AK5: variants seen among roughly 807,000 people sequenced by gnomAD.
AK5 encodes adenylate kinase 5, also known as adenylate kinase isoenzyme 5.
Under a neutral mutation model 69.5 loss-of-function variants are expected in AK5, and 27 were observed. That is an observed-to-expected ratio of 0.39 (90% CI 0.29 to 0.54). The LOEUF is 0.54. Among genes scored for constraint, AK5 ranks in the 20% least tolerant of loss-of-function variants. AK5 has a pLI of 0.71. For synonymous variants in AK5, 260 were observed against 244.4 expected (o/e 1.06, Z -0.60); for missense variants, 531 against 700.4 (o/e 0.76, Z 2.73).
intron 6 of AK5, among the ~76,000 whole-genome samples, chr1:77,358,817 G>GAA (rs5775391): frequency 0.05 from 7,408 of 147,456 alleles, 262 homozygotes; most frequent in South Asian, 0.15. Flanking sequence ...CCTATCCCCT[G>GAA]AAAAAAAAAA....
rs1660330965 is a variant in AK5 at position 77,559,575 on chromosome 1, A to G, written c.*905A>G. 1 of 152,220 alleles carries G rather than the reference A, an allele frequency of 6.6e-6. No homozygotes were observed. The highest frequency in any genetic ancestry group is 1.5e-5 in the Non-Finnish European group (1 of 68,040). 9.4% of individuals were successfully genotyped at this position (152,220 alleles called of 1,614,324 possible). A position where few individuals can be genotyped will look rare whatever the true frequency, so the allele number is the denominator to read the frequency against. Reference sequence around the variant, plus strand: ...TATTTGTTGCCAAGCAAGTAAAAAAATACCCTAACAAACCTGATGTGGGTG... The same window carrying G: ...TATTTGTTGCCAAGCAAGTAAAAAAGTACCCTAACAAACCTGATGTGGGTG... On this transcript the variant is annotated 3_prime_UTR_variant, in exon 14 of 14. Coordinates refer to ENST00000354567, the MANE Select transcript of AK5 (RefSeq NM_174858.3).
intron 5 of AK5, among the ~76,000 whole-genome samples, chr1:77,326,943 T>C (rs1660835409): frequency 6.6e-6 from 1 of 152,216 alleles, no homozygotes; most frequent in African/African-American, 2.4e-5. Context: ...TTTGCTTCCA[T>C]GAATTCATGA....
chr1:77,435,665 C>A (rs1395696069), intron 8 of AK5, among the ~76,000 whole-genome samples: 2 of 150,160 alleles, frequency 1.3e-5, no homozygotes, highest in Admixed American at 1.3e-4. Flanking sequence ...AAAAAAGAAG[C>A]TGCAGTTTAG....
At chr1:77,419,579 A>G (rs1006892010) in intron 8 of AK5, among the ~76,000 whole-genome samples, 3 of 152,236 alleles carry the variant, frequency 2.0e-5, no homozygotes, top group Non-Finnish European at 4.4e-5. Flanking sequence ...CAGAAATTCA[A>G]TTAACGGTTG....
intron 13 of AK5, among the ~76,000 whole-genome samples, chr1:77,552,626 A>T (rs1659877802): frequency 6.6e-6 from 1 of 152,226 alleles, no homozygotes; most frequent in African/African-American, 2.4e-5. Context: ...ATGTGTTTTT[A>T]TCAGAGTCTA....
chr1:77,470,742 A>G (rs1434019536), intron 8 of AK5, among the ~76,000 whole-genome samples: 1 of 150,164 alleles, frequency 6.7e-6, no homozygotes, highest in Non-Finnish European at 1.5e-5. Flanking sequence ...ATAGGCAAAA[A>G]ACACCTTATG....
chr1:77,378,505 A>G (rs1647391084), intron 6 of AK5, among the ~76,000 whole-genome samples: 1 of 152,156 alleles, frequency 6.6e-6, no homozygotes, highest in Non-Finnish European at 1.5e-5. Flanking sequence ...TTTTTAGAAG[A>G]GATAGGGTTT....
chr1:77,457,993 T>G (rs1430887438), intron 8 of AK5, among the ~76,000 whole-genome samples: 3 of 151,156 alleles, frequency 2.0e-5, no homozygotes, highest in African/African-American at 7.3e-5. Context: ...TCCCAGCTAC[T>G]CAAGAGGCTG....
chr1:77,338,503 TAG>T (rs2100375791), intron 5 of AK5, among the ~76,000 whole-genome samples: 1 of 152,338 alleles, frequency 6.6e-6, no homozygotes, highest in Admixed American at 6.5e-5. Flanking sequence ...AGCTGTCACA[TAG>T]ACATTTGAAA....
chr1:77,384,183 C>T (rs1032491361), intron 6 of AK5, among the ~76,000 whole-genome samples: 6 of 152,106 alleles, frequency 3.9e-5, no homozygotes, highest in African/African-American at 1.4e-4. Flanking sequence ...CGTGCAGTAC[C>T]ACCTCACAAC....
chr1:77,385,348 AG>A (rs1166257740), intron 6 of AK5, among the ~76,000 whole-genome samples: 1 of 151,866 alleles, frequency 6.6e-6, no homozygotes, highest in East Asian at 1.9e-4. Context: ...TTTAGTAGAG[AG>A]GGGGTTTCAC....
intron 5 of AK5, among the ~76,000 whole-genome samples, chr1:77,303,170 T>G (rs138576369): frequency 0.01 from 1,539 of 152,324 alleles, 6 homozygotes; most frequent in Non-Finnish European, 0.015. Context: ...ACAGTTTTAG[T>G]CCTCACATTC....
chr1:77,517,517 C>T (rs1334236940), intron 10 of AK5, among the ~76,000 whole-genome samples: 1 of 152,174 alleles, frequency 6.6e-6, no homozygotes, highest in Non-Finnish European at 1.5e-5. Flanking sequence ...AATAACAGTG[C>T]ATGCCTCTTA....
intron 8 of AK5, among the ~76,000 whole-genome samples, chr1:77,441,211 TTGAATTGTCCATC>T (rs1652307266): frequency 6.6e-6 from 1 of 151,636 alleles, no homozygotes; most frequent in South Asian, 2.1e-4. Context: ...CTTGATTTTA[TTGAATTGTCCATC>T]TGTATTTTCT....
intron 8 of AK5, among the ~76,000 whole-genome samples, chr1:77,466,613 T>C (rs1654158862): frequency 6.6e-6 from 1 of 152,186 alleles, no homozygotes; most frequent in South Asian, 2.1e-4. Context: ...TACCACAGAC[T>C]GGGTGATTTA....
intron 13 of AK5, among the ~76,000 whole-genome samples, chr1:77,540,906 T>G (rs1659233166): frequency 6.6e-6 from 1 of 151,774 alleles, no homozygotes; most frequent in Non-Finnish European, 1.5e-5. Flanking sequence ...TTTTTTTTTG[T>G]TTGTTTCTTT....
rs1425883475 is a variant in AK5 at position 77,363,394 on chromosome 1, TAACTG to T, written c.891+22827_891+22831del. On this transcript the variant is annotated intron_variant, in intron 6 of 13. Coordinates refer to ENST00000354567, the MANE Select transcript of AK5 (RefSeq NM_174858.3). ...CTACTGGATTCTTGCCGTGGCCTCT[TAACTG>T]GTCTTCCTGCTTTTGACCTTGCCCT... 3.3e-5 allele frequency among the ~76,000 whole-genome samples: 5 copies of T among 152,226 alleles called. No individual in the cohort carries two copies. The East Asian group carries it at 9.6e-4, about 29-fold the overall frequency.
chr1:77,359,039 AG>A (rs1394711029), intron 6 of AK5, among the ~76,000 whole-genome samples: 5 of 151,918 alleles, frequency 3.3e-5, no homozygotes, highest in African/African-American at 1.2e-4. Context: ...GCGGATCACG[AG>A]GTCAGGAGAT....
At chr1:77,555,062 C>T (rs1270144918) in intron 13 of AK5, among the ~76,000 whole-genome samples, 1 of 152,120 alleles carries the variant, frequency 6.6e-6, no homozygotes, top group Admixed American at 6.5e-5. Flanking sequence ...AGGCAGATTA[C>T]TTGAGGCCAG....
Sources: allele counts gnomAD v4.1 joint callset (sites outside exome capture counted in the v4.1 genomes callset), GRCh38; gene constraint gnomAD v4.1.1; transcripts MANE v1.5; gene names NCBI Gene and HGNC (gene_info 2026-07-23, HGNC 2026-07-21).